GSG1L: variants seen among roughly 807,000 people sequenced by gnomAD.
GSG1L encodes the protein GSG1 like.
A neutral mutation model predicts 42.1 loss-of-function variants in GSG1L; 24 were observed. That is an observed-to-expected ratio of 0.57 (90% CI 0.41 to 0.80). GSG1L has a LOEUF of 0.80. Among genes scored for constraint, GSG1L ranks in the 30% least tolerant of loss-of-function variants. The pLI is 0.00. For synonymous variants in GSG1L, 215 were observed against 203.5 expected (o/e 1.06, Z -0.48); for missense variants, 445 against 472.2 (o/e 0.94, Z 0.53).
Position 27,791,334 on chromosome 16 carries a change from A to T in GSG1L, c.*36T>A. On this transcript the variant is annotated 3_prime_UTR_variant, in exon 7 of 7. Coordinates refer to ENST00000447459, the MANE Select transcript of GSG1L (RefSeq NM_001109763.2). ...CTTGCAGCAGGGGCTGGTGCCAGCG[A>T]TGGCCTGAGGTCCGCGGGCCAGGTT... 2 of 1,288,816 alleles carry T rather than the reference A, an allele frequency of 1.6e-6. No homozygotes were observed. The highest frequency in any genetic ancestry group is 2.0e-6 in the Non-Finnish European group (2 of 981,338). The allele number at this position is 1,288,816 out of a possible 1,614,324, so 79.8% of individuals were successfully genotyped here.
chr16:27,982,205 A>T (rs1477845458), intron 1 of GSG1L, among the ~76,000 whole-genome samples: 5 of 152,190 alleles, frequency 3.3e-5, no homozygotes, highest in Non-Finnish European at 7.3e-5. Context: ...TTGTCTCTAT[A>T]AAAAACAAAA....
intron 2 of GSG1L, among the ~76,000 whole-genome samples, chr16:27,909,214 G>A (rs2084352651): frequency 6.6e-6 from 1 of 152,020 alleles, no homozygotes; most frequent in African/African-American, 2.4e-5. Context: ...TCATTGTCAT[G>A]CCATTATTTT....
intron 3 of GSG1L, among the ~76,000 whole-genome samples, chr16:27,853,790 TG>T (rs1023074508): frequency 3.3e-5 from 5 of 152,146 alleles, no homozygotes; most frequent in Non-Finnish European, 7.3e-5. Context: ...CCTGTGGCAG[TG>T]ACTAGGCTCT....
intron 6 of GSG1L, among the ~76,000 whole-genome samples, chr16:27,798,077 G>A (rs546399295): frequency 3.3e-5 from 5 of 152,250 alleles, no homozygotes; most frequent in Admixed American, 6.5e-5. Context: ...TACAGGGTAC[G>A]TTGTTCACTA....
chr16:28,018,657 A>T (rs1596705332), intron 1 of GSG1L, among the ~76,000 whole-genome samples: 1 of 152,094 alleles, frequency 6.6e-6, no homozygotes, highest in African/African-American at 2.4e-5. Context: ...GGGAACGGCC[A>T]TTGTGCAGGA....
At chr16:27,874,045 C>T (rs1198268420) in intron 3 of GSG1L, among the ~76,000 whole-genome samples, 1 of 152,152 alleles carries the variant, frequency 6.6e-6, no homozygotes, top group Non-Finnish European at 1.5e-5. Context: ...GAGCAGGTGA[C>T]AGCTCAGCTG....
chr16:28,057,991 G>A (rs2086297786), intron 1 of GSG1L, among the ~76,000 whole-genome samples: 1 of 152,230 alleles, frequency 6.6e-6, no homozygotes, highest in South Asian at 2.1e-4. Context: ...GCCAGAAAGA[G>A]AGGGAGTGTG....
chr16:27,938,486 CT>C (rs67176863), intron 2 of GSG1L, among the ~76,000 whole-genome samples: 28,562 of 151,952 alleles, frequency 0.19, 2,853 homozygotes, highest in South Asian at 0.29. Flanking sequence ...ACAAATGTCC[CT>C]GGAAACACTG....
chr16:27,905,482 C>G (rs1005386895), intron 2 of GSG1L, among the ~76,000 whole-genome samples: 1 of 151,958 alleles, frequency 6.6e-6, no homozygotes, highest in Non-Finnish European at 1.5e-5. Flanking sequence ...TGCTGCCTGG[C>G]TAATTTTATT....
At chr16:27,898,576 CCTCT>C (rs1429903308) in intron 2 of GSG1L, among the ~76,000 whole-genome samples, 7 of 151,906 alleles carry the variant, frequency 4.6e-5, no homozygotes, top group African/African-American at 7.3e-5. Flanking sequence ...TCTTTCTTCT[CCTCT>C]CTCTGTTTCT....
At chr16:28,058,437 T>C (rs1168941218) in intron 1 of GSG1L, among the ~76,000 whole-genome samples, 1 of 152,136 alleles carries the variant, frequency 6.6e-6, no homozygotes, top group Non-Finnish European at 1.5e-5. Context: ...GAGACCATCC[T>C]GAGCAACATA....
intron 3 of GSG1L, among the ~76,000 whole-genome samples, chr16:27,854,487 G>C (rs560156677): frequency 6.6e-6 from 1 of 152,276 alleles, no homozygotes. Flanking sequence ...TACATCCCCT[G>C]GGAGCCACAG....
intron 1 of GSG1L, among the ~76,000 whole-genome samples, chr16:28,056,879 G>A (rs1296956397): frequency 1.3e-5 from 2 of 152,116 alleles, no homozygotes; most frequent in African/African-American, 4.8e-5. Context: ...AGGGGTGCAG[G>A]GGAGTGCCGG....
intron 3 of GSG1L, chr16:27,863,212 A>G (rs1277370946): frequency 6.6e-6 from 1 of 151,954 alleles, no homozygotes; most frequent in Non-Finnish European, 1.5e-5. Context: ...TAATTTCCTT[A>G]TTTGCTCCCT....
intron 2 of GSG1L, among the ~76,000 whole-genome samples, chr16:27,949,902 G>A (rs949951684): frequency 3.9e-5 from 6 of 152,186 alleles, no homozygotes; most frequent in Non-Finnish European, 8.8e-5. Context: ...TCCAGCCTGG[G>A]CGACAGAGTG....
At chr16:27,833,259 A>G (rs2083290501) in intron 4 of GSG1L, among the ~76,000 whole-genome samples, 2 of 152,016 alleles carry the variant, frequency 1.3e-5, no homozygotes, top group South Asian at 4.1e-4. Flanking sequence ...ACACCCACAC[A>G]CAGTGAACTG....
intron 3 of GSG1L, among the ~76,000 whole-genome samples, chr16:27,881,794 C>T (rs2083959084): frequency 6.6e-6 from 1 of 152,172 alleles, no homozygotes; most frequent in African/African-American, 2.4e-5. Context: ...CTATTTTCCC[C>T]TAACCACCCA....
chr16:27,938,028 A>G (rs1471926701), intron 2 of GSG1L, among the ~76,000 whole-genome samples: 3 of 152,130 alleles, frequency 2.0e-5, no homozygotes, highest in Non-Finnish European at 4.4e-5. Context: ...CTCCTTTTCA[A>G]AAAAAATCCA....
chr16:27,812,852 G>C (rs185907654), intron 5 of GSG1L, among the ~76,000 whole-genome samples: 133 of 152,104 alleles, frequency 8.7e-4, no homozygotes, highest in Non-Finnish European at 1.7e-3. Flanking sequence ...GAAGTGGTGC[G>C]ATCTCAGCTC....
Sources: allele counts gnomAD v4.1 joint callset (sites outside exome capture counted in the v4.1 genomes callset), GRCh38; gene constraint gnomAD v4.1.1; transcripts MANE v1.5; gene names NCBI Gene and HGNC (gene_info 2026-07-23, HGNC 2026-07-21).